Variants in ZNF516 observed in about 807,000 individuals in gnomAD.
ZNF516 encodes zinc finger protein 516.
In ZNF516, 19 loss-of-function variants were observed where a neutral mutation model predicts 79.7. That is an observed-to-expected ratio of 0.24 (90% CI 0.17 to 0.35). The LOEUF is 0.35. Among genes scored for constraint, ZNF516 ranks in the 10% least tolerant of loss-of-function variants. The pLI is 1.00. For synonymous variants in ZNF516, 877 were observed against 739.5 expected, an observed-to-expected ratio of 1.19 and a Z score of -3.02; for missense variants, 1,678 against 1,679.5, an observed-to-expected ratio of 1.00 and a Z score of 0.02.
At position 76,380,005 on chromosome 18, in the gene ZNF516, C is replaced by T. The variant is rs634493; in HGVS notation, c.2109G>A (p.Thr703=). The T allele has an allele frequency of 0.016, 26,297 of 1,613,930 alleles. 352 individuals carry two copies. Among genetic ancestry groups the T allele is most frequent in the African/African-American group, 0.057 (4,272 of 75,016 alleles). Residue 703 remains threonine, a synonymous_variant, in exon 4 of 7, where the codon ACG becomes ACA. Coordinates refer to ENST00000443185, the MANE Select transcript of ZNF516 (RefSeq NM_014643.4). ...FPSSTGAEGQ[T]GHPAEKLSDL... ...CGGACAGCTTTTCTGCAGGGTGACCCGTCTGGCCCTCCGCTCCCGTACTGG... is the reference window on the plus strand; with the variant it reads ...CGGACAGCTTTTCTGCAGGGTGACCTGTCTGGCCCTCCGCTCCCGTACTGG...
At chr18:76,423,347 C>T (rs773495388) in intron 3 of ZNF516, among the ~76,000 whole-genome samples, 4 of 152,246 alleles carry the variant, frequency 2.6e-5, no homozygotes, top group African/African-American at 7.2e-5. Context: ...ACTGACAGTA[C>T]CTTGCCTCAA....
At chr18:76,407,538 G>T (rs1186045943) in intron 3 of ZNF516, among the ~76,000 whole-genome samples, 1 of 152,106 alleles carries the variant, frequency 6.6e-6, no homozygotes, top group East Asian at 1.9e-4. Flanking sequence ...CATGTGATTG[G>T]AACCCCAGCC....
intron 3 of ZNF516, among the ~76,000 whole-genome samples, chr18:76,399,946 T>C (rs990125581): frequency 6.6e-6 from 1 of 152,132 alleles, no homozygotes; most frequent in Non-Finnish European, 1.5e-5. Context: ...TTTGGCCTAG[T>C]TTGGTCTCCC....
intron 3 of ZNF516, among the ~76,000 whole-genome samples, chr18:76,408,391 T>A (rs1341741543): frequency 6.6e-6 from 1 of 152,124 alleles, no homozygotes; most frequent in Non-Finnish European, 1.5e-5. Context: ...GCGACACACT[T>A]GAGACCCTCC....
intron 3 of ZNF516, among the ~76,000 whole-genome samples, chr18:76,385,034 G>A (rs972828489): frequency 1.1e-4 from 16 of 152,218 alleles, no homozygotes; most frequent in African/African-American, 3.9e-4. Context: ...CATGCTCTCC[G>A]GGTGCACGGA....
chr18:76,383,599 C>A (rs1428612677), intron 3 of ZNF516, among the ~76,000 whole-genome samples: 1 of 145,452 alleles, frequency 6.9e-6, no homozygotes, highest in East Asian at 2.1e-4. Context: ...CACCAGGCAC[C>A]TTCTCGCCAG....
chr18:76,378,928 C>T lies in ZNF516; in HGVS notation c.3186G>A (p.Lys1062=), dbSNP rs960650459. The change falls in exon 4 of 7, where the codon AAG becomes AAA. Residue 1062 remains lysine (K), a synonymous_variant. Coordinates refer to ENST00000443185, the MANE Select transcript of ZNF516 (RefSeq NM_014643.4). ...EKRLDILNIF[K]TYIPKDFATL... is the part of the protein sequence containing the mutation. ...TCGCAAAGTCCTTTGGAATGTACGTCTTAAAGATGTTGAGGATGTCCAGGC... is the reference window on the plus strand; with the variant it reads ...TCGCAAAGTCCTTTGGAATGTACGTTTTAAAGATGTTGAGGATGTCCAGGC... The T allele has an allele frequency of 6.2e-7, 1 of 1,613,754 alleles. No individual in the cohort carries two copies. The highest frequency in any genetic ancestry group is 1.3e-5 in the African/African-American group (1 of 74,928).
chr18:76,375,306 A>G (rs1599141193), intron 4 of ZNF516, among the ~76,000 whole-genome samples: 1 of 152,208 alleles, frequency 6.6e-6, no homozygotes, highest in Non-Finnish European at 1.5e-5. Context: ...GACACCAGGT[A>G]GAGAGTGGAC....
chr18:76,375,113 G>A (rs1034169105), intron 4 of ZNF516, among the ~76,000 whole-genome samples: 3 of 152,186 alleles, frequency 2.0e-5, no homozygotes, highest in Non-Finnish European at 4.4e-5. Context: ...AACAGAAATC[G>A]AGTCTCTGTA....
At chr18:76,448,226 T>C (rs1321366327) in intron 2 of ZNF516, among the ~76,000 whole-genome samples, 2 of 152,236 alleles carry the variant, frequency 1.3e-5, no homozygotes, top group African/African-American at 4.8e-5. Context: ...TACCTTTGGA[T>C]ATTTTTCTTT....
intron 3 of ZNF516, among the ~76,000 whole-genome samples, chr18:76,420,379 T>C (rs2075490884): frequency 6.6e-6 from 1 of 152,216 alleles, no homozygotes; most frequent in Non-Finnish European, 1.5e-5. Flanking sequence ...CTCTATTTTT[T>C]GCTTATTTCT....
At chr18:76,406,849 C>T (rs2075310594) in intron 3 of ZNF516, among the ~76,000 whole-genome samples, 2 of 152,196 alleles carry the variant, frequency 1.3e-5, no homozygotes. Context: ...CAGAGACAGA[C>T]CCACACGAGC....
intron 3 of ZNF516, among the ~76,000 whole-genome samples, chr18:76,432,358 G>A (rs918962890): frequency 6.6e-6 from 1 of 152,178 alleles, no homozygotes; most frequent in East Asian, 1.9e-4. Context: ...TCTGCCTTCC[G>A]TGCCAACACC....
At chr18:76,367,294 C>CG (rs1051877112) in intron 6 of ZNF516, among the ~76,000 whole-genome samples, 1 of 152,094 alleles carries the variant, frequency 6.6e-6, no homozygotes, top group African/African-American at 2.4e-5. Flanking sequence ...CCTTATCTCT[C>CG]GCTGGGATCA....
chr18:76,494,732 G>A (rs1034191343), intron 1 of ZNF516, among the ~76,000 whole-genome samples: 15 of 151,834 alleles, frequency 9.9e-5, no homozygotes, highest in Admixed American at 2.0e-4. Context: ...TTAAAGTAAG[G>A]CAATTTGCTC....
intron 1 of ZNF516, among the ~76,000 whole-genome samples, chr18:76,487,371 G>A (rs776554555): frequency 2.0e-5 from 3 of 152,198 alleles, no homozygotes; most frequent in Non-Finnish European, 4.4e-5. Context: ...GTACACTGTA[G>A]TGGATGCTAG....
At position 76,442,759 on chromosome 18, in the gene ZNF516, T is replaced by C. The variant is rs748818303; in HGVS notation, c.296A>G (p.Glu99Gly). The C allele has an allele frequency of 6.9e-6, 11 of 1,589,516 alleles. No individual in the cohort carries two copies. In the African/African-American group the frequency reaches 1.5e-4, roughly 21 times the overall value. The change falls in exon 3 of 7, where the codon GAG becomes GGG. Residue 99 changes from glutamate (E) to glycine (G), a missense_variant. By Grantham distance (98) the Glu-to-Gly change is moderately conservative (BLOSUM62 -2). Transcript: ENST00000443185. ...GGCGCGCATCTCACCCAGCGGCGCC[T>C]CGCCCGCCTCCGGCTCGTGTCCCTG... is the stretch of plus-strand genomic sequence containing the variant. Reference protein sequence around the residue: ...LIQGHEPEAGEAPLGEMRASE... With the variant: ...LIQGHEPEAGGAPLGEMRASE...
chr18:76,485,271 G>A (rs972335943), intron 1 of ZNF516, among the ~76,000 whole-genome samples: 3 of 152,162 alleles, frequency 2.0e-5, no homozygotes, highest in African/African-American at 7.2e-5. Context: ...GCTTTGAAAT[G>A]ATTAATCTAA....
intron 3 of ZNF516, among the ~76,000 whole-genome samples, chr18:76,411,211 G>T (rs994907090): frequency 6.6e-6 from 1 of 152,220 alleles, no homozygotes; most frequent in Non-Finnish European, 1.5e-5. Flanking sequence ...ACGAAGGACT[G>T]TGCAGCCTTG....
Sources: allele counts gnomAD v4.1 joint callset (sites outside exome capture counted in the v4.1 genomes callset), GRCh38; gene constraint gnomAD v4.1.1; transcripts MANE v1.5; gene names NCBI Gene and HGNC (gene_info 2026-07-23, HGNC 2026-07-21).